PRRX1: variants seen among roughly 807,000 people sequenced by gnomAD.
PRRX1 encodes paired mesoderm homeobox protein 1.
PRRX1 carries 8 observed loss-of-function variants against 24.0 expected under a neutral mutation model. The observed-to-expected ratio is 0.33, with a 90% confidence interval of 0.20 to 0.60. The LOEUF (loss-of-function observed/expected upper bound fraction) is 0.60, where lower values mean the gene tolerates loss of function less well. Ranked by LOEUF, PRRX1 falls within the 20% of genes least tolerant of loss-of-function variation. The probability of loss-of-function intolerance (pLI) is 0.82; values close to 1 mark genes in which losing one functional copy is unlikely to be tolerated. For missense variants in PRRX1, 281 were observed against 322.4 expected (o/e 0.87, Z 0.98); for synonymous variants, 160 against 131.7 (o/e 1.22, Z -1.47).
chr1:170,676,592 G>GCTTC (rs1394599328), intron 1 of PRRX1, among the ~76,000 whole-genome samples: 5 of 152,054 alleles, frequency 3.3e-5, no homozygotes, highest in Non-Finnish European at 7.4e-5. Flanking sequence ...ACATAAAACT[G>GCTTC]CTTCACAAAC....
At chr1:170,680,804 T>C (rs1189278055) in intron 1 of PRRX1, among the ~76,000 whole-genome samples, 1 of 152,192 alleles carries the variant, frequency 6.6e-6, no homozygotes, top group Non-Finnish European at 1.5e-5. Flanking sequence ...CTGGGCTTCC[T>C]GGTTTAAATA....
At position 170,736,230 on chromosome 1, in the gene PRRX1, A is replaced by G. The variant is rs763346349; in HGVS notation, c.*44A>G. Reference sequence around the variant, plus strand: ...CAGGCCTAAGAAGAAATCAAAAACCATAAGACACCTATCCTGCTCTGTTAT... The same window carrying G: ...CAGGCCTAAGAAGAAATCAAAAACCGTAAGACACCTATCCTGCTCTGTTAT... On this transcript the variant is annotated 3_prime_UTR_variant, in exon 4 of 4. Transcript: ENST00000239461. The G allele has an allele frequency of 1.2e-5, 19 of 1,607,760 alleles. No homozygotes were observed. The highest frequency in any genetic ancestry group is 1.7e-5 in the Admixed American group (1 of 59,874).
intron 1 of PRRX1, among the ~76,000 whole-genome samples, chr1:170,678,519 C>T (rs1291221867): frequency 6.6e-6 from 1 of 152,126 alleles, no homozygotes; most frequent in Non-Finnish European, 1.5e-5. Flanking sequence ...GAGTGTTAGG[C>T]GAAGATTAGG....
intron 1 of PRRX1, among the ~76,000 whole-genome samples, chr1:170,687,363 T>A (rs1011064536): frequency 6.6e-6 from 1 of 152,222 alleles, no homozygotes; most frequent in Non-Finnish European, 1.5e-5. Flanking sequence ...TCTAGCCTCT[T>A]AAAGGCAATC....
intron 3 of PRRX1, among the ~76,000 whole-genome samples, chr1:170,731,158 TTAAAAG>T (rs1655425835): frequency 6.6e-6 from 1 of 152,226 alleles, no homozygotes; most frequent in South Asian, 2.1e-4. Flanking sequence ...AGATCTCTTT[TTAAAAG>T]TAAATTTCCC....
chr1:170,726,501 G>A, intron 3 of PRRX1, 100 bp downstream of exon 3: 3 of 1,390,678 alleles, frequency 2.2e-6, no homozygotes, highest in East Asian at 4.6e-5. Context: ...ATTTCTTACT[G>A]GGTTAATCTC....
intron 1 of PRRX1, among the ~76,000 whole-genome samples, chr1:170,701,522 C>A (rs1312954224): frequency 2.0e-5 from 3 of 152,096 alleles, no homozygotes; most frequent in African/African-American, 7.2e-5. Context: ...CTACTCAGGC[C>A]AAATGTTTTG....
intron 2 of PRRX1, 125 bp from the exon 3 acceptor site, chr1:170,726,095 C>A: frequency 2.2e-6 from 2 of 928,612 alleles, no homozygotes; most frequent in Non-Finnish European, 3.4e-6. Context: ...ATTCCATAGC[C>A]ATCTTATATC....
At chr1:170,679,493 A>G (rs1350074169) in intron 1 of PRRX1, among the ~76,000 whole-genome samples, 6 of 152,090 alleles carry the variant, frequency 3.9e-5, no homozygotes, top group South Asian at 2.1e-4. Flanking sequence ...TCCACCTCCC[A>G]GGTTCATGCC....
chr1:170,672,203 C>A (rs1217987627), intron 1 of PRRX1, among the ~76,000 whole-genome samples: 1 of 152,154 alleles, frequency 6.6e-6, no homozygotes, highest in East Asian at 1.9e-4. Context: ...ACTCACAGGA[C>A]AGATGAGGAT....
chr1:170,716,102 A>G (rs909353576), intron 1 of PRRX1, among the ~76,000 whole-genome samples: 1 of 152,162 alleles, frequency 6.6e-6, no homozygotes. Flanking sequence ...CGACAATTTC[A>G]TGGGTTTCAT....
At chr1:170,706,673 G>A (rs1315800168) in intron 1 of PRRX1, among the ~76,000 whole-genome samples, 2 of 152,168 alleles carry the variant, frequency 1.3e-5, no homozygotes, top group Non-Finnish European at 2.9e-5. Flanking sequence ...TATAAATTTG[G>A]TCTGGGGCTA....
At chr1:170,697,779 T>C (rs1654222661) in intron 1 of PRRX1, among the ~76,000 whole-genome samples, 1 of 147,446 alleles carries the variant, frequency 6.8e-6, no homozygotes, top group Admixed American at 6.8e-5. Flanking sequence ...TATATACATA[T>C]AAAGATATAT....
At chr1:170,663,525 A>T (rs1652799828), upstream of PRRX1, 1 of 151,868 alleles carries the variant, frequency 6.6e-6, no homozygotes, top group Non-Finnish European at 1.5e-5. Context: ...CTTTACAAAA[A>T]GTAAAGTGAG....
chr1:170,672,915 T>A (rs1472147963), intron 1 of PRRX1, among the ~76,000 whole-genome samples: 1 of 152,148 alleles, frequency 6.6e-6, no homozygotes, highest in African/African-American at 2.4e-5. Flanking sequence ...TCTCTCTGCT[T>A]CAGCAGTTTG....
chr1:170,710,361 T>C (rs941292365), intron 1 of PRRX1, among the ~76,000 whole-genome samples: 25 of 152,146 alleles, frequency 1.6e-4, no homozygotes, highest in African/African-American at 5.8e-4. Context: ...ATAGCCCAAC[T>C]TACAATTATG....
chr1:170,686,065 G>A (rs1466377332), intron 1 of PRRX1, among the ~76,000 whole-genome samples: 4 of 150,712 alleles, frequency 2.7e-5, no homozygotes, highest in Non-Finnish European at 5.9e-5. Context: ...AATGTAGACC[G>A]TCTGCCTCCA....
intron 1 of PRRX1, among the ~76,000 whole-genome samples, chr1:170,696,224 C>A (rs1184500086): frequency 6.6e-6 from 1 of 152,160 alleles, no homozygotes; most frequent in Non-Finnish European, 1.5e-5. Flanking sequence ...TATTTGTAAA[C>A]CCTGTGGGTG....
intron 1 of PRRX1, among the ~76,000 whole-genome samples, chr1:170,702,586 T>C (rs1654420059): frequency 6.6e-6 from 1 of 152,206 alleles, no homozygotes. Context: ...TTAATTTCTT[T>C]AGAGTGAGGG....
Sources: gnomAD v4.1 joint callset for allele counts (sites outside exome capture counted in the v4.1 genomes callset) on GRCh38, gnomAD v4.1.1 for gene constraint, MANE v1.5 for transcripts, NCBI Gene and HGNC (gene_info 2026-07-23, HGNC 2026-07-21) for gene names.